AGTPBP1: variants seen among roughly 807,000 people sequenced by gnomAD.
The protein encoded by AGTPBP1 is ATP/GTP binding carboxypeptidase 1.
AGTPBP1 carries 70 observed loss-of-function variants against 143.9 expected under a neutral mutation model. The ratio of observed to expected loss-of-function variants is 0.49; its 90% confidence interval spans 0.40 to 0.59. The LOEUF is 0.59. Ranked by LOEUF, AGTPBP1 falls within the 20% of genes least tolerant of loss-of-function variation. AGTPBP1 has a pLI of 0.00. For synonymous variants in AGTPBP1, 463 were observed against 500.2 expected (o/e 0.93, Z 0.99); for missense variants, 1,229 against 1,464.5 (o/e 0.84, Z 2.62).
chr9:85,686,296 AGCTTG>A (rs1835484193), intron 3 of AGTPBP1, among the ~76,000 whole-genome samples: 1 of 152,142 alleles, frequency 6.6e-6, no homozygotes, highest in Non-Finnish European at 1.5e-5. Context: ...ACCGTAGGAA[AGCTTG>A]AAGGGTTATA....
chr9:85,612,031 C>T (rs1235122071), intron 17 of AGTPBP1, among the ~76,000 whole-genome samples: 2 of 152,142 alleles, frequency 1.3e-5, no homozygotes, highest in Non-Finnish European at 2.9e-5. Flanking sequence ...CTCTACCCCC[C>T]AGTTCCTGGC....
intron 6 of AGTPBP1, among the ~76,000 whole-genome samples, chr9:85,674,500 GGTT>G (rs1834700088): frequency 6.6e-6 from 1 of 151,286 alleles, no homozygotes; most frequent in Non-Finnish European, 1.5e-5. Context: ...ATAAATAAGG[GGTT>G]TTTTTTAAAT....
At chr9:85,756,297 C>G in the AGTPBP1 span, 1 of 1,490,630 alleles carries the variant, frequency 6.7e-7, no homozygotes, top group African/African-American at 1.4e-5. Flanking sequence ...AACCACTCCC[C>G]ACTCCCCACT....
chr9:85,681,289 T>G lies in AGTPBP1; in HGVS notation c.204A>C (p.Glu68Asp). ...EMTAKGSTGMEILLSTLENTK... is the reference protein window; with the variant it reads ...EMTAKGSTGMDILLSTLENTK... ...TTACCTCTAATGTTGACAGCAGAAT[T>G]TCCATTCCTGTAGAACCTTTGGCTG... Residue 68 changes from glutamate to aspartate, a missense_variant, in exon 4 of 26, where the codon GAA becomes GAC. Coordinates refer to ENST00000357081, the MANE Select transcript of AGTPBP1 (RefSeq NM_001330701.2). 6.2e-7 allele frequency: 1 copy of G among 1,612,974 alleles called. No individual in the cohort carries two copies. Among genetic ancestry groups the G allele is most frequent in the Non-Finnish European group, 8.5e-7 (1 of 1,179,770 alleles).
chr9:85,714,977 T>C (rs1837610634), intron 1 of AGTPBP1, among the ~76,000 whole-genome samples: 1 of 152,112 alleles, frequency 6.6e-6, no homozygotes, highest in Non-Finnish European at 1.5e-5. Flanking sequence ...CCGGGCACAG[T>C]AGCTCACACC....
At chr9:85,749,967 T>C in the AGTPBP1 span, among the ~76,000 whole-genome samples, 353 of 151,878 alleles carry the variant, frequency 2.3e-3, 1 homozygote, top group African/African-American at 7.1e-3. Context: ...CTGCAAGCTC[T>C]GCCTCCCAGG....
chr9:85,667,263 G>C (rs1834185952), intron 8 of AGTPBP1, among the ~76,000 whole-genome samples: 1 of 152,010 alleles, frequency 6.6e-6, no homozygotes. Context: ...TTAATAAATA[G>C]TCATATGTGC....
intron 3 of AGTPBP1, among the ~76,000 whole-genome samples, chr9:85,685,815 C>T (rs998083267): frequency 1.3e-5 from 2 of 151,954 alleles, no homozygotes; most frequent in Non-Finnish European, 2.9e-5. Flanking sequence ...GATGTAGATA[C>T]ATATGACAAT....
rs12337259 is a variant in AGTPBP1 at position 85,654,700 on chromosome 9, G to A, written c.1087+443C>T. 5.7e-4 allele frequency among the ~76,000 whole-genome samples: 87 copies of A among 152,030 alleles called. 1 individual carries two copies. Among genetic ancestry groups the A allele is most frequent in the African/African-American group, 1.7e-3 (71 of 41,472 alleles). On this transcript the variant is annotated intron_variant, in intron 11 of 25. Coordinates refer to ENST00000357081, the MANE Select transcript of AGTPBP1 (RefSeq NM_001330701.2). ...TCTACTAAAAATACAAAAATTACCC[G>A]GGAATGGTGGCACAGGCCTGTGATC...
chr9:85,646,341 C>T lies in AGTPBP1; in HGVS notation c.1165G>A (p.Asp389Asn), dbSNP rs1344248842. 4 of 1,612,520 alleles carry T rather than the reference C, an allele frequency of 2.5e-6. No homozygotes were observed. In the East Asian group the frequency reaches 8.9e-5, roughly 36 times the overall value. Residue 389 changes from aspartate (D) to asparagine (N), a missense_variant, in exon 12 of 26, where the codon GAC becomes AAC. By Grantham distance (23) the Asp-to-Asn change is conservative. Coordinates refer to ENST00000357081, the MANE Select transcript of AGTPBP1 (RefSeq NM_001330701.2). ...CTAACCTTAAAATTTTGATCTAGGT[C>T]ATCTTCATTCTCAGTTTCGTTTTCA... ...EAENETENEDDLDQNFKNDDI... is the reference protein window; with the variant it reads ...EAENETENEDNLDQNFKNDDI...
At chr9:85,640,968 AAG>A (rs1313265139) in intron 13 of AGTPBP1, among the ~76,000 whole-genome samples, 3 of 152,194 alleles carry the variant, frequency 2.0e-5, no homozygotes, top group African/African-American at 2.4e-5. Context: ...AACAATTTAT[AAG>A]TTTTAAAGAG....
chr9:85,652,027 G>C lies in AGTPBP1; in HGVS notation c.1087+3116C>G, dbSNP rs367940998. Among the ~76,000 whole-genome samples the C allele has an allele frequency of 4.6e-5, 7 of 152,278 alleles. No individual in the cohort carries two copies. In the East Asian group the frequency reaches 9.7e-4, roughly 21 times the overall value. On this transcript the variant is annotated intron_variant, in intron 11 of 25. Transcript: ENST00000357081. Reference sequence around the variant, plus strand: ...TGATGTGACTCTTTGTGGGCCCCTTGATAACTTCAGGATAGAGGCTGGTCA... The same window carrying C: ...TGATGTGACTCTTTGTGGGCCCCTTCATAACTTCAGGATAGAGGCTGGTCA...
intron 2 of AGTPBP1, among the ~76,000 whole-genome samples, chr9:85,703,218 G>A (rs1211370215): frequency 2.6e-5 from 4 of 152,188 alleles, no homozygotes; most frequent in African/African-American, 4.8e-5. Flanking sequence ...AGTCCTCCTA[G>A]TTTTTTGAGG....
chr9:85,567,032 T>C (rs1265796143), intron 25 of AGTPBP1, among the ~76,000 whole-genome samples: 1 of 152,186 alleles, frequency 6.6e-6, no homozygotes, highest in Non-Finnish European at 1.5e-5. Flanking sequence ...TCTGAAATGT[T>C]AGTATCATGC....
chr9:85,761,872 T>G, the AGTPBP1 span, among the ~76,000 whole-genome samples: 1 of 152,044 alleles, frequency 6.6e-6, no homozygotes, highest in Non-Finnish European at 1.5e-5. Flanking sequence ...TGCAATCTAC[T>G]CATCTGACAA....
At position 85,669,540 on chromosome 9, in the gene AGTPBP1, C is replaced by T; in HGVS notation, c.607G>A (p.Glu203Lys). 2 of 1,612,014 alleles carry T rather than the reference C, an allele frequency of 1.2e-6. No individual in the cohort carries two copies. Among genetic ancestry groups the T allele is most frequent in the Non-Finnish European group, 1.7e-6 (2 of 1,178,644 alleles). Residue 203 changes from glutamate (E) to lysine (K), a missense_variant, in exon 8 of 26, where the codon GAA becomes AAA. Glu to Lys is a moderately conservative substitution (Grantham distance 56, BLOSUM62 1). This residue lies in a region of AGTPBP1 where 743 missense variants were observed against 812.2 expected (regional missense o/e 0.91). Transcript: ENST00000357081. Reference sequence around the variant, plus strand: ...GGTCCAATGATTTTAAACATCAGTTCCACAACTCCATTTTTCCCTAAGGAT... The same window carrying T: ...GGTCCAATGATTTTAAACATCAGTTTCACAACTCCATTTTTCCCTAAGGAT... ...SVSLGKNGVVELMFKIIGPFS... is the reference protein window; with the variant it reads ...SVSLGKNGVVKLMFKIIGPFS...
intron 14 of AGTPBP1, among the ~76,000 whole-genome samples, chr9:85,626,882 T>C (rs995298568): frequency 2.0e-5 from 3 of 152,234 alleles, no homozygotes; most frequent in Admixed American, 2.0e-4. Flanking sequence ...CTCTCAATTG[T>C]TTTAACCACT....
chr9:85,753,771 TAGATAG>T, the AGTPBP1 span, among the ~76,000 whole-genome samples: 1 of 143,724 alleles, frequency 7.0e-6, no homozygotes. Flanking sequence ...GATAGATAGA[TAGATAG>T]ATAGATAGAT....
chr9:85,632,621 C>T, intron 14 of AGTPBP1, 41 bp downstream of exon 14: 12 of 1,499,780 alleles, frequency 8.0e-6, no homozygotes, highest in Non-Finnish European at 9.9e-6. Flanking sequence ...CATATCTTGA[C>T]AATAGCCTTA....
Sources: allele counts gnomAD v4.1 joint callset (sites outside exome capture counted in the v4.1 genomes callset), GRCh38; gene constraint gnomAD v4.1.1; regional missense constraint gnomAD v4.1.1; transcripts MANE v1.5; gene names NCBI Gene and HGNC (gene_info 2026-07-23, HGNC 2026-07-21).